Variants in PPP2CB observed in about 807,000 individuals in gnomAD.
PPP2CB encodes the protein serine/threonine-protein phosphatase 2A catalytic subunit beta isoform.
PPP2CB carries 18 observed loss-of-function variants against 39.1 expected under a neutral mutation model. The ratio of observed to expected loss-of-function variants is 0.46; its 90% CI spans 0.32 to 0.68. The LOEUF is 0.68. PPP2CB is among the 30% of genes least tolerant of loss of function. PPP2CB has a pLI of 0.04. For synonymous variants in PPP2CB, 129 were observed against 133.8 expected (o/e 0.96, Z 0.25); for missense variants, 226 against 396.9 (o/e 0.57, Z 3.66).
chr8:30,803,073 T>G (rs1806652805), intron 1 of PPP2CB, among the ~76,000 whole-genome samples: 1 of 152,220 alleles, frequency 6.6e-6, no homozygotes, highest in African/African-American at 2.4e-5. Flanking sequence ...CAAAAATCTC[T>G]TTCTGTATTT....
At chr8:30,789,403 G>C (rs545109014) in intron 6 of PPP2CB, among the ~76,000 whole-genome samples, 4 of 152,284 alleles carry the variant, frequency 2.6e-5, no homozygotes, top group South Asian at 2.1e-4. Context: ...GCCACTTACT[G>C]ATCAAAGATT....
chr8:30,807,035 T>C (rs1428445767), intron 1 of PPP2CB, among the ~76,000 whole-genome samples: 1 of 152,358 alleles, frequency 6.6e-6, no homozygotes, highest in South Asian at 2.1e-4. Flanking sequence ...TTTCTTTACC[T>C]GTCCACTAAG....
chr8:30,796,010 C>T (rs973587154), intron 3 of PPP2CB, among the ~76,000 whole-genome samples: 4 of 152,142 alleles, frequency 2.6e-5, no homozygotes, highest in African/African-American at 7.2e-5. Context: ...GCTCTACTAA[C>T]GCACCCATTT....
intron 5 of PPP2CB, among the ~76,000 whole-genome samples, chr8:30,792,913 T>C (rs1303330573): frequency 1.3e-5 from 2 of 152,206 alleles, no homozygotes; most frequent in African/African-American, 4.8e-5. Flanking sequence ...TTTTTTATCA[T>C]GCTCCCTTGT....
chr8:30,798,216 A>G (rs765531988), intron 2 of PPP2CB, among the ~76,000 whole-genome samples: 4 of 152,232 alleles, frequency 2.6e-5, no homozygotes, highest in Non-Finnish European at 5.9e-5. Context: ...GGATTTGCCA[A>G]TAATAACACA....
chr8:30,799,705 AG>A lies in PPP2CB; in HGVS notation c.152del (p.Pro51LeufsTer37). On this transcript the variant is annotated frameshift_variant, in exon 2 of 7. Coordinates refer to ENST00000221138, the MANE Select transcript of PPP2CB (RefSeq NM_001009552.2). LOFTEE classifies it high-confidence loss of function. ...KESNVQEVRC[P>X]VTVCGDVHGQ... The stretch of plus-strand genomic sequence containing the variant: ...CATGCACATCTCCACAGACAGTAAC[AG>A]GGCAACGAACCTCTTGCACATTTGA... 6.2e-7 allele frequency: 1 copy of A among 1,614,146 alleles called. No homozygotes were observed. Among genetic ancestry groups the A allele is most frequent in the Non-Finnish European group, 8.5e-7 (1 of 1,179,984 alleles).
intron 2 of PPP2CB, 83 bp downstream of exon 2, chr8:30,799,463 A>C: frequency 8.6e-7 from 1 of 1,161,984 alleles, no homozygotes; most frequent in South Asian, 1.4e-5. Context: ...ACAGACCATA[A>C]AACAGATGAT....
chr8:30,811,170 A>C (rs974623281), intron 1 of PPP2CB, among the ~76,000 whole-genome samples: 2 of 152,220 alleles, frequency 1.3e-5, no homozygotes, highest in African/African-American at 4.8e-5. Context: ...AGTGAAGATC[A>C]CACACTCACG....
At chr8:30,786,662 C>CTTTT (rs35450368) in intron 6 of PPP2CB, among the ~76,000 whole-genome samples, 1 of 127,756 alleles carries the variant, frequency 7.8e-6, no homozygotes, top group Non-Finnish European at 1.7e-5. Context: ...AATAATATCA[C>CTTTT]TTTTTTTTTT....
intron 6 of PPP2CB, among the ~76,000 whole-genome samples, chr8:30,788,294 T>C (rs1806376491): frequency 1.3e-5 from 2 of 152,164 alleles, no homozygotes; most frequent in Admixed American, 1.3e-4. Flanking sequence ...ACAGGGTCTT[T>C]GCTCTGTTGC....
chr8:30,792,049 T>A (rs1806446552), intron 5 of PPP2CB, among the ~76,000 whole-genome samples: 1 of 150,230 alleles, frequency 6.7e-6, no homozygotes, highest in Non-Finnish European at 1.5e-5. Flanking sequence ...TATACATACA[T>A]TAGTGTATGT....
intron 2 of PPP2CB, among the ~76,000 whole-genome samples, chr8:30,798,188 AT>A (rs1463849254): frequency 6.6e-6 from 1 of 152,172 alleles, no homozygotes; most frequent in Non-Finnish European, 1.5e-5. Flanking sequence ...TTCAATTTTT[AT>A]TTCCCACAGG....
Position 30,798,019 on chromosome 8 carries a change from T to C in PPP2CB, c.313-265A>G, listed in dbSNP as rs146151887. On this transcript the variant is annotated intron_variant, in intron 2 of 6. Transcript: ENST00000221138. ...TTAACTAATACTTATATTACTATAA[T>C]AAACTTGTATCTGATACTTTGCTTC... Among the ~76,000 whole-genome samples, 3 of 152,352 alleles carry C rather than the reference T, an allele frequency of 2.0e-5. No homozygotes were observed. The East Asian group carries it at 5.8e-4, about 29-fold the overall frequency.
chr8:30,800,467 T>C (rs1200972115), intron 1 of PPP2CB, among the ~76,000 whole-genome samples: 1 of 152,248 alleles, frequency 6.6e-6, no homozygotes, highest in East Asian at 1.9e-4. Context: ...CTTACACCAA[T>C]TCATAGGCCA....
chr8:30,789,952 A>C (rs987784866), intron 6 of PPP2CB, among the ~76,000 whole-genome samples: 1 of 152,140 alleles, frequency 6.6e-6, no homozygotes, highest in African/African-American at 2.4e-5. Context: ...GGCTCTGGCA[A>C]TCCTTAGCTG....
At chr8:30,810,046 T>C (rs1806798784) in intron 1 of PPP2CB, 1 of 151,672 alleles carries the variant, frequency 6.6e-6, no homozygotes, top group Non-Finnish European at 1.5e-5. Flanking sequence ...GTAAAAATAA[T>C]CTCTTTTGAC....
At chr8:30,807,695 A>T (rs1191217012) in intron 1 of PPP2CB, among the ~76,000 whole-genome samples, 1 of 152,232 alleles carries the variant, frequency 6.6e-6, no homozygotes, top group Non-Finnish European at 1.5e-5. Flanking sequence ...CTGAGACAAC[A>T]GTTAAATATA....
At position 30,790,873 on chromosome 8, in the gene PPP2CB, T is replaced by C. The variant is rs573147012; in HGVS notation, c.857+324A>G. 39 of 219,478 alleles carry C rather than the reference T, an allele frequency of 1.8e-4. 1 individual carries two copies. In the South Asian group the frequency reaches 2.7e-3, roughly 15 times the overall value. The allele number at this position is 219,478 out of a possible 1,614,324, so 13.6% of individuals were successfully genotyped here. A position where few individuals can be genotyped will look rare whatever the true frequency, so the allele number is the denominator to read the frequency against. On this transcript the variant is annotated intron_variant, in intron 6 of 6. Transcript: ENST00000221138. Reference sequence around the variant, plus strand: ...ATACCAACCCAGCGTAGAGCGCCTGTAGTCGTTTCTGTGAGAGGGATCTGG... The same window carrying C: ...ATACCAACCCAGCGTAGAGCGCCTGCAGTCGTTTCTGTGAGAGGGATCTGG...
At chr8:30,795,063 A>C (rs1806497385) in intron 3 of PPP2CB, among the ~76,000 whole-genome samples, 1 of 150,964 alleles carries the variant, frequency 6.6e-6, no homozygotes. Flanking sequence ...TGCTCTAGGT[A>C]TTCTGAATCA....
Sources: gnomAD v4.1 joint callset for allele counts (sites outside exome capture counted in the v4.1 genomes callset) on GRCh38, gnomAD v4.1.1 for gene constraint, MANE v1.5 for transcripts, NCBI Gene and HGNC (gene_info 2026-07-23, HGNC 2026-07-21) for gene names.